The following PXDNL variants were observed in gnomAD, a reference collection of about 807,000 sequenced individuals.
PXDNL encodes peroxidasin like.
PXDNL carries 145 observed loss-of-function variants against 150.8 expected under a neutral mutation model. The observed-to-expected ratio is 0.96, with a 90% CI of 0.84 to 1.10. PXDNL has a LOEUF of 1.10. Ranked by LOEUF, PXDNL falls within the 50% of genes least tolerant of loss-of-function variation. The probability of loss-of-function intolerance (pLI) is 0.00; values close to 1 mark genes in which losing one functional copy is unlikely to be tolerated. For missense variants in PXDNL, 2,087 were observed against 1,873.9 expected (o/e 1.11, Z -2.10); for synonymous variants, 757 against 725.7 (o/e 1.04, Z -0.69).
At chr8:51,439,303 G>A (rs1199595883) in intron 12 of PXDNL, among the ~76,000 whole-genome samples, 1 of 151,894 alleles carries the variant, frequency 6.6e-6, no homozygotes, top group Non-Finnish European at 1.5e-5. Flanking sequence ...TATACAAAGG[G>A]CCAACAAACA....
intron 19 of PXDNL, among the ~76,000 whole-genome samples, chr8:51,347,877 A>G (rs1806209373): frequency 1.3e-5 from 2 of 152,150 alleles, no homozygotes; most frequent in Admixed American, 1.3e-4. Flanking sequence ...ATAATTAATA[A>G]CGCATAAATA....
intron 6 of PXDNL, among the ~76,000 whole-genome samples, chr8:51,475,744 G>A (rs924125623): frequency 3.9e-5 from 6 of 152,022 alleles, no homozygotes; most frequent in African/African-American, 1.4e-4. Context: ...ACTGAACATA[G>A]TACCCAATAG....
At chr8:51,352,532 C>T (rs893931697) in intron 19 of PXDNL, among the ~76,000 whole-genome samples, 4 of 152,038 alleles carry the variant, frequency 2.6e-5, no homozygotes, top group Non-Finnish European at 4.4e-5. Flanking sequence ...GGGGTTCTCA[C>T]GAGATCTGAT....
At chr8:51,718,631 T>C (rs1816663686) in intron 1 of PXDNL, among the ~76,000 whole-genome samples, 1 of 152,176 alleles carries the variant, frequency 6.6e-6, no homozygotes, top group South Asian at 2.1e-4. Flanking sequence ...ATAGTTTTCA[T>C]AGAATTCTTT....
intron 5 of PXDNL, among the ~76,000 whole-genome samples, chr8:51,497,652 T>C (rs1453274106): frequency 1.3e-5 from 2 of 152,160 alleles, no homozygotes; most frequent in African/African-American, 4.8e-5. Flanking sequence ...AAAGAAGACA[T>C]TTATGCAGCC....
At chr8:51,497,233 T>G (rs903236180) in intron 5 of PXDNL, among the ~76,000 whole-genome samples, 4 of 152,300 alleles carry the variant, frequency 2.6e-5, no homozygotes, top group South Asian at 2.1e-4. Flanking sequence ...GCTAGCCATA[T>G]GTAGAAAGCT....
At chr8:51,800,888 T>C (rs2037611857) in intron 1 of PXDNL, among the ~76,000 whole-genome samples, 1 of 152,184 alleles carries the variant, frequency 6.6e-6, no homozygotes, top group South Asian at 2.1e-4. Flanking sequence ...TGTTTGACAA[T>C]ATGAAATCTG....
intron 21 of PXDNL, among the ~76,000 whole-genome samples, chr8:51,326,550 G>T (rs1264924348): frequency 6.6e-6 from 1 of 152,020 alleles, no homozygotes; most frequent in East Asian, 1.9e-4. Flanking sequence ...CATCTACTCG[G>T]CCTTCCCAGA....
chr8:51,509,021 A>G (rs1296268363), intron 4 of PXDNL, among the ~76,000 whole-genome samples: 1 of 152,054 alleles, frequency 6.6e-6, no homozygotes, highest in Admixed American at 6.6e-5. Context: ...CTGAAGCCAC[A>G]CCACTTCTGG....
intron 14 of PXDNL, among the ~76,000 whole-genome samples, chr8:51,422,682 T>C (rs913704426): frequency 1.2e-4 from 19 of 152,226 alleles, no homozygotes; most frequent in African/African-American, 4.6e-4. Flanking sequence ...AAGCCCAAAA[T>C]AGCACTCCAG....
intron 12 of PXDNL, among the ~76,000 whole-genome samples, chr8:51,443,136 C>G (rs945142290): frequency 4.6e-5 from 7 of 152,106 alleles, no homozygotes; most frequent in African/African-American, 1.2e-4. Context: ...AGATTTCTCT[C>G]TCTTTTGACA....
chr8:51,514,459 C>T (rs1440365352), intron 4 of PXDNL, among the ~76,000 whole-genome samples: 2 of 152,098 alleles, frequency 1.3e-5, no homozygotes, highest in Non-Finnish European at 1.5e-5. Flanking sequence ...ATTTAAGACG[C>T]GGGGCAGCAG....
At position 51,457,643 on chromosome 8, in the gene PXDNL, A is replaced by G. The variant is rs1809966097; in HGVS notation, c.837T>C (p.Asp279=). 4 of 1,613,354 alleles carry G rather than the reference A, an allele frequency of 2.5e-6. No individual in the cohort carries two copies. The African/African-American group carries it at 5.3e-5, about 22-fold the overall frequency. ...HNNHSLDLED[D]TRLNVFDDGT... ...CATCATCAAACACATTAAGTCGAGT[A>G]TCATCTTCCAAATCCAATGAGTGGC... Residue 279 remains aspartate (D), a synonymous_variant, in exon 9 of 23, where the codon GAT becomes GAC. Coordinates refer to ENST00000356297, the MANE Select transcript of PXDNL (RefSeq NM_144651.5).
chr8:51,439,983 A>T (rs1389121850), intron 12 of PXDNL, among the ~76,000 whole-genome samples: 3 of 152,026 alleles, frequency 2.0e-5, no homozygotes, highest in African/African-American at 7.2e-5. Flanking sequence ...AAAATATGAA[A>T]CCAGCCCAAA....
At chr8:51,460,139 A>G (rs1016630490) in intron 8 of PXDNL, among the ~76,000 whole-genome samples, 10 of 151,214 alleles carry the variant, frequency 6.6e-5, no homozygotes, top group Non-Finnish European at 1.5e-4. Flanking sequence ...AGTCCCAGCT[A>G]CTTGGAGGCT....
intron 2 of PXDNL, among the ~76,000 whole-genome samples, chr8:51,597,705 A>T (rs1293754983): frequency 6.9e-6 from 1 of 144,062 alleles, no homozygotes; most frequent in Non-Finnish European, 1.5e-5. Flanking sequence ...TGTAAATAGG[A>T]TTGCATTTTT....
chr8:51,360,508 A>G (rs376069479), intron 19 of PXDNL, among the ~76,000 whole-genome samples: 18 of 152,240 alleles, frequency 1.2e-4, no homozygotes, highest in African/African-American at 4.3e-4. Context: ...TATGTACACA[A>G]CTACACATGC....
At chr8:51,401,179 A>G (rs1808239017) in intron 17 of PXDNL, among the ~76,000 whole-genome samples, 1 of 152,248 alleles carries the variant, frequency 6.6e-6, no homozygotes, top group African/African-American at 2.4e-5. Flanking sequence ...CAGGGGTAGC[A>G]AGGCTCTAAA....
rs549869173 is a variant in PXDNL, at chr8:51,669,541, G to T, written c.165-14781C>A. 2.6e-4 allele frequency among the ~76,000 whole-genome samples: 39 copies of T among 152,278 alleles called. 1 individual carries two copies. In the South Asian group the frequency reaches 6.2e-3, roughly 24 times the overall value. ...CCTTTAGTCTCTTAAGAGATGGTTGGTTGGTCAGACTTTGGAGGGGTAATT... is the reference window on the plus strand; with the variant it reads ...CCTTTAGTCTCTTAAGAGATGGTTGTTTGGTCAGACTTTGGAGGGGTAATT... On this transcript the variant is annotated intron_variant, in intron 1 of 22. Coordinates refer to ENST00000356297, the MANE Select transcript of PXDNL (RefSeq NM_144651.5).
Sources: gnomAD v4.1 joint callset for allele counts (sites outside exome capture counted in the v4.1 genomes callset) on GRCh38, gnomAD v4.1.1 for gene constraint, MANE v1.5 for transcripts, NCBI Gene and HGNC (gene_info 2026-07-23, HGNC 2026-07-21) for gene names.